Variants in ARHGEF37 observed in about 807,000 individuals in gnomAD.
ARHGEF37 encodes Rho guanine nucleotide exchange factor 37, also known as Rho guanine nucleotide exchange factor (GEF) 37.
Under a neutral mutation model 71.1 loss-of-function variants are expected in ARHGEF37, and 55 were observed. The ratio of observed to expected loss-of-function variants is 0.77; its 90% CI spans 0.62 to 0.97. ARHGEF37 has a LOEUF of 0.97. Ranked by LOEUF, ARHGEF37 falls within the 50% of genes least tolerant of loss-of-function variation. ARHGEF37 has a pLI of 0.00. For missense variants in ARHGEF37, 765 were observed against 836.8 expected (o/e 0.91, Z 1.06); for synonymous variants, 327 against 350.6 (o/e 0.93, Z 0.75).
At chr5:149,617,283 G>A (rs1423761715) in intron 5 of ARHGEF37, among the ~76,000 whole-genome samples, 1 of 152,190 alleles carries the variant, frequency 6.6e-6, no homozygotes, top group Admixed American at 6.5e-5. Flanking sequence ...CACCCCTTGA[G>A]CTAAAGTGAG....
intron 1 of ARHGEF37, among the ~76,000 whole-genome samples, chr5:149,565,829 ATTTTTTTT>A (rs201683478): frequency 2.5e-4 from 21 of 84,570 alleles, no homozygotes; most frequent in Admixed American, 8.5e-4. Flanking sequence ...AGAAACTCTA[ATTTTTTTT>A]TTTTTTTTTT....
At chr5:149,614,529 T>C (rs1752322249) in intron 4 of ARHGEF37, among the ~76,000 whole-genome samples, 2 of 152,218 alleles carry the variant, frequency 1.3e-5, no homozygotes. Flanking sequence ...AAGTACGCGG[T>C]CATCTCTTCC....
intron 4 of ARHGEF37, among the ~76,000 whole-genome samples, chr5:149,614,138 A>G (rs1752304785): frequency 6.6e-6 from 1 of 151,768 alleles, no homozygotes; most frequent in African/African-American, 2.4e-5. Context: ...CCATTCCTCT[A>G]TTGAAGCATA....
At chr5:149,557,185 A>G (rs977272135) in intron 1 of ARHGEF37, among the ~76,000 whole-genome samples, 8 of 152,210 alleles carry the variant, frequency 5.3e-5, no homozygotes, top group Admixed American at 3.3e-4. Flanking sequence ...TTCGAACAGA[A>G]GCCATTGAGT....
At chr5:149,581,212 G>A (rs1278691671), upstream of ARHGEF37, among the ~76,000 whole-genome samples, 3 of 152,190 alleles carry the variant, frequency 2.0e-5, no homozygotes, top group East Asian at 1.9e-4. Context: ...TGGCCTAAAT[G>A]CCGGCTCCTG....
chr5:149,615,658 G>A (rs952431609), intron 4 of ARHGEF37, among the ~76,000 whole-genome samples: 10 of 152,154 alleles, frequency 6.6e-5, no homozygotes, highest in African/African-American at 2.4e-4. Flanking sequence ...TTGGGAGGCC[G>A]AGGCGGGCAA....
chr5:149,605,018 G>A (rs1172575081), intron 3 of ARHGEF37, among the ~76,000 whole-genome samples: 1 of 151,852 alleles, frequency 6.6e-6, no homozygotes, highest in Non-Finnish European at 1.5e-5. Flanking sequence ...CCTGAGGTCA[G>A]GAGTTCGAGA....
intron 1 of ARHGEF37, among the ~76,000 whole-genome samples, chr5:149,595,175 CGTTT>C (rs988101945): frequency 2.6e-5 from 4 of 151,952 alleles, no homozygotes; most frequent in African/African-American, 7.3e-5. Flanking sequence ...TTTGTTTGTT[CGTTT>C]GTTTGTTTGT....
At chr5:149,613,730 G>A (rs979978081) in intron 4 of ARHGEF37, among the ~76,000 whole-genome samples, 1 of 151,092 alleles carries the variant, frequency 6.6e-6, no homozygotes, top group East Asian at 1.9e-4. Context: ...ATCTTTTCAG[G>A]ACAGCATGGA....
intron 1 of ARHGEF37, among the ~76,000 whole-genome samples, chr5:149,555,471 AT>A (rs11349933): frequency 0.62 from 90,813 of 145,518 alleles, 28,858 homozygotes; most frequent in East Asian, 0.9. Context: ...TGCCTGGCTA[AT>A]TTTTTTTTTT....
chr5:149,621,437 CA>C (rs1277695289), intron 8 of ARHGEF37, among the ~76,000 whole-genome samples: 23 of 133,340 alleles, frequency 1.7e-4, no homozygotes, highest in East Asian at 2.1e-4. Context: ...GACCCTGTCT[CA>C]AAAAAAAAAA....
intron 1 of ARHGEF37, among the ~76,000 whole-genome samples, chr5:149,559,987 G>A (rs911280970): frequency 4.6e-5 from 7 of 152,134 alleles, no homozygotes; most frequent in African/African-American, 7.2e-5. Flanking sequence ...TCTTAGATTC[G>A]GTGGAAGCAA....
At chr5:149,594,387 C>T (rs907985338) in intron 1 of ARHGEF37, among the ~76,000 whole-genome samples, 4 of 152,222 alleles carry the variant, frequency 2.6e-5, no homozygotes, top group Non-Finnish European at 5.9e-5. Flanking sequence ...GACAAATCAG[C>T]AGATCACGGG....
chr5:149,627,305 C>T (rs373304087), intron 11 of ARHGEF37, 34 bp downstream of exon 11: 44 of 1,594,920 alleles, frequency 2.8e-5, no homozygotes, highest in African/African-American at 1.6e-4. Context: ...TCTTCTCCTT[C>T]GGGGAAAACC....
chr5:149,562,670 T>C (rs1215421849), intron 1 of ARHGEF37, among the ~76,000 whole-genome samples: 1 of 152,082 alleles, frequency 6.6e-6, no homozygotes, highest in African/African-American at 2.4e-5. Flanking sequence ...ATGGTCTTGA[T>C]CTCCTGACCT....
chr5:149,569,142 G>A (rs1762932958), intron 1 of ARHGEF37, among the ~76,000 whole-genome samples: 1 of 151,856 alleles, frequency 6.6e-6, no homozygotes, highest in East Asian at 1.9e-4. Context: ...CCTTTATACT[G>A]TAAGTGGATA....
Position 149,621,940 on chromosome 5 carries a change from G to C in ARHGEF37, c.1213G>C (p.Glu405Gln), listed in dbSNP as rs755615666. ...YQALNSLLVA[E>Q]LPQFNQLVMQ... ...GGCACTCAACTCGCTGCTAGTGGCT[G>C]AGCTCCCACAGTTTAACCAGCTGGT... is the stretch of plus-strand genomic sequence containing the variant. The change falls in exon 9 of 13, where the codon GAG (glutamate) becomes CAG (glutamine). Residue 405 changes from glutamate to glutamine, a missense_variant. Glu to Gln is a conservative substitution (Grantham distance 29, BLOSUM62 2). This residue lies in a region of ARHGEF37 where 390 missense variants were observed against 407.4 expected (regional missense o/e 0.96). Coordinates refer to ENST00000333677, the MANE Select transcript of ARHGEF37 (RefSeq NM_001001669.3). 6.2e-6 allele frequency: 10 copies of C among 1,614,254 alleles called. No individual in the cohort carries two copies. The highest frequency in any genetic ancestry group is 8.5e-6 in the Non-Finnish European group (10 of 1,180,048).
intron 1 of ARHGEF37, among the ~76,000 whole-genome samples, chr5:149,554,110 G>C (rs2113223980): frequency 6.6e-6 from 1 of 152,306 alleles, no homozygotes; most frequent in South Asian, 2.1e-4. Context: ...AGAGATTGCA[G>C]TGAGCCGAGA....
intron 1 of ARHGEF37, among the ~76,000 whole-genome samples, chr5:149,563,168 C>A (rs975670285): frequency 2.0e-5 from 3 of 152,194 alleles, no homozygotes; most frequent in Non-Finnish European, 2.9e-5. Context: ...CACCAGCCAT[C>A]CTTCCTAGAC....
Sources: gnomAD v4.1 joint callset for allele counts (sites outside exome capture counted in the v4.1 genomes callset) on GRCh38, gnomAD v4.1.1 for gene constraint, gnomAD v4.1.1 regional missense constraint, MANE v1.5 for transcripts, NCBI Gene and HGNC (gene_info 2026-07-23, HGNC 2026-07-21) for gene names.